Variants in TIMM17B observed in about 807,000 individuals in gnomAD.
The protein encoded by TIMM17B is translocase of inner mitochondrial membrane 17B.
Under a neutral mutation model 15.9 loss-of-function variants are expected in TIMM17B, and 10 were observed. That is an observed-to-expected ratio of 0.63 (90% CI 0.39 to 1.06). The LOEUF is 1.06. Among genes scored for constraint, TIMM17B ranks in the 50% least tolerant of loss-of-function variants. The probability of loss-of-function intolerance (pLI) is 0.01; values close to 1 mark genes in which losing one functional copy is unlikely to be tolerated. For missense variants in TIMM17B, 114 were observed against 152.2 expected (o/e 0.75, Z 1.32); for synonymous variants, 57 against 57.2 (o/e 1.00, Z 0.02).
In TIMM17B at chrX:48,894,900, T is replaced by C. The variant is rs781969302; in HGVS notation, c.190+138A>G. 9.1e-5 allele frequency: 48 copies of C among 530,045 alleles called. No individual in the cohort carries two copies. The African/African-American group carries it at 1.0e-3, about 11-fold the overall frequency. 43.7% of individuals were successfully genotyped at this position (530,045 alleles called of 1,213,427 possible). A position where few individuals can be genotyped will look rare whatever the true frequency, so the allele number is the denominator to read the frequency against. On this transcript the variant is annotated intron_variant, in intron 4 of 6. Transcript: ENST00000376582. ...CTTTCTTCCCCTCCATATTCAATTGTTGGGAAACATCACCCCCCTAGAAAG... is the reference window on the plus strand; with the variant it reads ...CTTTCTTCCCCTCCATATTCAATTGCTGGGAAACATCACCCCCCTAGAAAG...
At chrX:48,897,110 G>A in intron 2 of TIMM17B, 1 of 577,305 alleles carries the variant, frequency 1.7e-6, no homozygotes, top group Non-Finnish European at 2.6e-6. Context: ...TCAGCCAACG[G>A]TTTTACTGTG....
chrX:48,897,586 TG>T (rs1248632595), intron 2 of TIMM17B, 137 bp downstream of exon 1: 1 of 507,023 alleles, frequency 2.0e-6, no homozygotes, highest in Non-Finnish European at 3.4e-6. Context: ...AGGAACCGAG[TG>T]GGGGTAGCGG....
At position 48,896,747 on chromosome X, in the gene TIMM17B, G is replaced by C. The variant is rs1557039587; in HGVS notation, c.126+12C>G. On this transcript the variant is annotated intron_variant, in intron 3 of 6. Coordinates refer to ENST00000376582, the Ensembl canonical transcript of TIMM17B. ...CTAACCCCACACCAACCCAGGGAAGGCCTGGACTCACAACAGGGGCATTGC... is the reference window on the plus strand; with the variant it reads ...CTAACCCCACACCAACCCAGGGAAGCCCTGGACTCACAACAGGGGCATTGC... 1 of 1,211,084 alleles carries C rather than the reference G, an allele frequency of 8.3e-7. No homozygotes were observed. Among genetic ancestry groups the C allele is most frequent in the South Asian group, 1.8e-5 (1 of 56,909 alleles).
chrX:48,897,900 C>T (rs1213919902), intron 1 of TIMM17B, 132 bp from the exon 1 acceptor site: 5 of 956,758 alleles, frequency 5.2e-6, no homozygotes, highest in African/African-American at 3.9e-5. Flanking sequence ...CGAGTTTCTG[C>T]CATTTGTTCA....
intron 3 of TIMM17B, 26 bp downstream of exon 2, chrX:48,896,733 C>T (rs1281528842): frequency 8.3e-7 from 1 of 1,207,905 alleles, no homozygotes; most frequent in Non-Finnish European, 1.1e-6. Flanking sequence ...TAACCCCACA[C>T]CAACCCAGGG....
intron 3 of TIMM17B, chrX:48,895,394 GAAC>G: frequency 1.9e-6 from 1 of 516,499 alleles, no homozygotes; most frequent in Non-Finnish European, 3.5e-6. Flanking sequence ...ATACAGCCAT[GAAC>G]AAGGTAGGTC....
intron 4 of TIMM17B, 124 bp from the exon 4 acceptor site, chrX:48,894,349 A>G: frequency 1.4e-6 from 1 of 707,134 alleles, no homozygotes; most frequent in Middle Eastern, 3.5e-4. Context: ...AAAGGCAGAT[A>G]GCAAACCCAC....
chrX:48,897,554 C>T (rs782751001), intron 2 of TIMM17B, 170 bp downstream of exon 1: 3 of 469,126 alleles, frequency 6.4e-6, no homozygotes, highest in South Asian at 6.1e-5. Flanking sequence ...GTTGTGGCCC[C>T]TCATAACGGA....
intron 3 of TIMM17B, chrX:48,895,495 A>G: frequency 5.8e-6 from 3 of 515,624 alleles, no homozygotes; most frequent in African/African-American, 4.6e-5. Context: ...TCAGACAGCA[A>G]TCTGCACTGT....
At chrX:48,894,131 A>G (rs782436901) in exon 5 of TIMM17B, 3 of 1,200,131 alleles carry the variant, frequency 2.5e-6, no homozygotes, top group African/African-American at 3.5e-5. Context: ...TCAATGCTCC[A>G]CTGGTGATAG....
rs782047781 is a variant in TIMM17B, at chrX:48,893,905, C to T, written c.425G>A (p.Arg142Gln). The change falls in exon 6 of 7, where the codon CGA (arginine) becomes CAA (glutamine). Residue 142 changes from arginine (R) to glutamine (Q), a missense_variant. Coordinates refer to ENST00000376582, the Ensembl canonical transcript of TIMM17B. ...CCCGACCACCAGTTACTCACCATTTCGGAACTGCTGGGCTGTGTAGCGAGT... is the reference window on the plus strand; with the variant it reads ...CCCGACCACCAGTTACTCACCATTTTGGAACTGCTGGGCTGTGTAGCGAGT... 9 of 1,205,446 alleles carry T rather than the reference C, an allele frequency of 7.5e-6. No individual in the cohort carries two copies. Among genetic ancestry groups the T allele is most frequent in the Middle Eastern group, 2.3e-4 (1 of 4,314 alleles).
intron 2 of TIMM17B, chrX:48,897,181 G>C: frequency 3.1e-6 from 1 of 326,725 alleles, no homozygotes; most frequent in Non-Finnish European, 5.2e-6. Context: ...ACATAGGCGT[G>C]TTAACTAGCC....
At chrX:48,897,631 TG>T in intron 2 of TIMM17B, 92 bp downstream of exon 1, 7 of 724,451 alleles carry the variant, frequency 9.7e-6, no homozygotes, top group Non-Finnish European at 1.5e-5. Context: ...GTCTGGTACA[TG>T]GCTCTGTGCG....
At chrX:48,897,323 C>A (rs1341849119) in intron 2 of TIMM17B, 2 of 227,852 alleles carry the variant, frequency 8.8e-6, no homozygotes, top group African/African-American at 5.7e-5. Context: ...AAGCATCCAC[C>A]GTCCCCGCCG....
At chrX:48,895,720 C>T (rs1380949889) in intron 3 of TIMM17B, 1 of 327,609 alleles carries the variant, frequency 3.1e-6, no homozygotes, top group Non-Finnish European at 5.3e-6. Context: ...CATTTGCGAT[C>T]TTCTGGGAGG....
At chrX:48,895,228 G>A in intron 3 of TIMM17B, 127 bp from the exon 3 acceptor site, 3 of 591,626 alleles carry the variant, frequency 5.1e-6, no homozygotes, top group Non-Finnish European at 8.1e-6. Context: ...GTGGAGAAGT[G>A]GCCAAGAACT....
At chrX:48,894,909 A>C (rs1445375761) in intron 4 of TIMM17B, 129 bp downstream of exon 3, 2 of 558,509 alleles carry the variant, frequency 3.6e-6, no homozygotes, top group Admixed American at 5.9e-5. Context: ...GTTGGGAAAC[A>C]TCACCCCCCT....
At chrX:48,894,258 G>T in intron 4 of TIMM17B, 33 bp from the exon 4 acceptor site, 1 of 1,198,537 alleles carries the variant, frequency 8.3e-7, no homozygotes, top group Non-Finnish European at 1.1e-6. Flanking sequence ...TTAGTTCCTG[G>T]GAAATCCTGA....
chrX:48,893,646 G>A, exon 7 of TIMM17B: 1 of 855,490 alleles, frequency 1.2e-6, no homozygotes, highest in Non-Finnish European at 1.6e-6. Flanking sequence ...GGGTCCCAGG[G>A]CTAACTGGGA....
Sources: gnomAD v4.1 joint callset for allele counts on GRCh38, gnomAD v4.1.1 for gene constraint, MANE v1.5 for transcripts, NCBI Gene and HGNC (gene_info 2026-07-23, HGNC 2026-07-21) for gene names.